The following DUSP4 variants were observed in gnomAD, a reference collection of about 807,000 sequenced individuals.
DUSP4 encodes the protein dual specificity phosphatase 4.
Under a neutral mutation model 27.2 loss-of-function variants are expected in DUSP4, and 12 were observed. The observed-to-expected ratio is 0.44, with a 90% confidence interval of 0.28 to 0.71. The LOEUF is 0.71. Among genes scored for constraint, DUSP4 ranks in the 30% least tolerant of loss-of-function variants. DUSP4 has a pLI of 0.14. For synonymous variants in DUSP4, 257 were observed against 245.2 expected (o/e 1.05, Z -0.45); for missense variants, 448 against 551.3 (o/e 0.81, Z 1.88).
At chr8:29,341,362 G>A (rs1432009264) in intron 1 of DUSP4, among the ~76,000 whole-genome samples, 1 of 152,216 alleles carries the variant, frequency 6.6e-6, no homozygotes, top group Non-Finnish European at 1.5e-5. Context: ...ATTTTCCAAT[G>A]TGCAGACATG....
At chr8:29,345,795 T>C in intron 1 of DUSP4, 2 of 1,234,764 alleles carry the variant, frequency 1.6e-6, no homozygotes, top group Non-Finnish European at 2.0e-6. Flanking sequence ...TTAGTTACTT[T>C]TGTTAGTTGG....
Position 29,349,905 on chromosome 8 carries a change from G to A in DUSP4, c.374C>T (p.Ser125Leu), listed in dbSNP as rs1018053080. ...GCGGCGCAGCGCCTGCACCACCAGC[G>A]ACACGGTGCTGTCCTCGCGGAGGCT... ...AESLREDSTV[S>L]LVVQALRRNA... Residue 125 changes from serine (S) to leucine (L), a missense_variant, in exon 1 of 4, where the codon TCG becomes TTG. By Grantham distance (145) the Ser-to-Leu change is moderately radical. This residue lies in a region of DUSP4 where 345 missense variants were observed against 394.0 expected (regional missense o/e 0.88). Coordinates refer to ENST00000240100, the MANE Select transcript of DUSP4 (RefSeq NM_001394.7). The A allele has an allele frequency of 1.3e-6, 2 of 1,558,422 alleles. No homozygotes were observed. Among genetic ancestry groups the A allele is most frequent in the African/African-American group, 1.4e-5 (1 of 72,740 alleles).
Position 29,350,234 on chromosome 8 carries a change from G to C in DUSP4, c.45C>G (p.Leu15=). 2.5e-6 allele frequency: 4 copies of C among 1,607,974 alleles called. No individual in the cohort carries two copies. The highest frequency in any genetic ancestry group is 3.4e-6 in the Non-Finnish European group (4 of 1,177,556). Reference sequence around the variant, plus strand: ...TCTCGTCCCGGTTCATCAGCCTTTTGAGCACACTGCAGTCCATCTCCCGCA... The same window carrying C: ...TCTCGTCCCGGTTCATCAGCCTTTTCAGCACACTGCAGTCCATCTCCCGCA... The part of the protein sequence containing the change: ...EELREMDCSV[L]KRLMNRDENG... Residue 15 remains leucine (L), a synonymous_variant, in exon 1 of 4, where the codon CTC becomes CTG. Coordinates refer to ENST00000240100, the MANE Select transcript of DUSP4 (RefSeq NM_001394.7).
intron 1 of DUSP4, among the ~76,000 whole-genome samples, chr8:29,341,881 A>T (rs1419907771): frequency 4.6e-5 from 7 of 152,238 alleles, no homozygotes; most frequent in African/African-American, 1.4e-4. Flanking sequence ...ATTCATTAAC[A>T]GTGGTTGATC....
At chr8:29,339,126 T>C (rs922750156) in intron 2 of DUSP4, among the ~76,000 whole-genome samples, 5 of 152,172 alleles carry the variant, frequency 3.3e-5, no homozygotes, top group African/African-American at 1.2e-4. Context: ...GAAGCTGCAG[T>C]GAGCTATGAT....
At position 29,347,988 on chromosome 8, in the gene DUSP4, T is replaced by A. The variant is rs995115220; in HGVS notation, c.433+1858A>T. 9.1e-6 allele frequency: 9 copies of A among 985,394 alleles called. No homozygotes were observed. In the African/African-American group the frequency reaches 1.6e-4, roughly 17 times the overall value. 61.0% of individuals were successfully genotyped at this position (985,394 alleles called of 1,614,324 possible). On this transcript the variant is annotated intron_variant, in intron 1 of 3. Coordinates refer to ENST00000240100, the MANE Select transcript of DUSP4 (RefSeq NM_001394.7). ...TCCCCGGGAGCGGGGCCTAAGTGGC[T>A]GCACCCCCGGAAGCCCAAGGGCCGA...
chr8:29,347,067 T>G (rs750724244), intron 1 of DUSP4, among the ~76,000 whole-genome samples: 4 of 152,062 alleles, frequency 2.6e-5, no homozygotes, highest in Non-Finnish European at 5.9e-5. Flanking sequence ...AATGAATTAC[T>G]CCAGTAGGAA....
chr8:29,348,039 G>A (rs1240863723), intron 1 of DUSP4: 53 of 985,468 alleles, frequency 5.4e-5, no homozygotes, highest in Non-Finnish European at 6.0e-5. Context: ...GCTCTAGGGC[G>A]GTCCCCTCGG....
intron 2 of DUSP4, among the ~76,000 whole-genome samples, 195 bp downstream of exon 2, chr8:29,339,903 C>T (rs1348983494): frequency 6.6e-6 from 1 of 150,876 alleles, no homozygotes; most frequent in African/African-American, 2.4e-5. Context: ...GTCCCAGCTA[C>T]CAGGGAGGAT....
chr8:29,348,608 G>A (rs1489584869), intron 1 of DUSP4: 2 of 985,430 alleles, frequency 2.0e-6, no homozygotes, highest in African/African-American at 1.7e-5. Flanking sequence ...TCCGGCAGGG[G>A]CGAACCCGGC....
chr8:29,342,514 A>AC (rs1193047859), intron 1 of DUSP4, among the ~76,000 whole-genome samples: 1 of 152,110 alleles, frequency 6.6e-6, no homozygotes, highest in Non-Finnish European at 1.5e-5. Flanking sequence ...GGAACCGGGG[A>AC]CAGGGTAATG....
intron 1 of DUSP4, chr8:29,345,628 G>A (rs1432692440): frequency 1.3e-5 from 20 of 1,492,580 alleles, no homozygotes; most frequent in Admixed American, 5.2e-5. Context: ...TTCTTGGCTC[G>A]GGAAAGTGGC....
Position 29,337,498 on chromosome 8 carries a change from GC to G in DUSP4, c.800-88del. The stretch of plus-strand genomic sequence containing the variant: ...ACCGGCCAGCCCCTGGGGTCGGGGG[GC>G]TCTGAAGGAAGGACTAGCCGTGCTA... On this transcript the variant is annotated intron_variant, in intron 3 of 3. Transcript: ENST00000240100. This position sits in a 1 kb window ranked among gnomAD's most constrained non-coding sequence, Gnocchi z 6.4. The G allele has an allele frequency of 6.7e-7, 1 of 1,499,468 alleles. No homozygotes were observed. The allele number at this position is 1,499,468 out of a possible 1,614,324, so 92.9% of individuals were successfully genotyped here.
At chr8:29,345,707 G>T in intron 1 of DUSP4, 1 of 1,395,090 alleles carries the variant, frequency 7.2e-7, no homozygotes, top group Non-Finnish European at 9.2e-7. Context: ...TCTCCTATAA[G>T]CACCCAGGAT....
chr8:29,336,788 C>G lies in DUSP4; in HGVS notation c.*238G>C, dbSNP rs1051065852. The G allele has an allele frequency of 2.0e-6, 1 of 506,562 alleles. No homozygotes were observed. Among genetic ancestry groups the G allele is most frequent in the East Asian group, 3.5e-5 (1 of 28,864 alleles). 31.4% of individuals were successfully genotyped at this position (506,562 alleles called of 1,614,324 possible). A position where few individuals can be genotyped will look rare whatever the true frequency, so the allele number is the denominator to read the frequency against. Reference sequence around the variant, plus strand: ...ACTGACACATAAACCAAACCAAGGTCTTCCCTGGCTGCTGCGGCAGCCGTT... The same window carrying G: ...ACTGACACATAAACCAAACCAAGGTGTTCCCTGGCTGCTGCGGCAGCCGTT... On this transcript the variant is annotated 3_prime_UTR_variant, in exon 4 of 4. Transcript: ENST00000240100.
chr8:29,340,311 C>T, intron 1 of DUSP4, 68 bp from the exon 2 acceptor site: 1 of 1,518,810 alleles, frequency 6.6e-7, no homozygotes, highest in Non-Finnish European at 8.8e-7. Flanking sequence ...AAGAACTCGA[C>T]TCCTACAGAC....
chr8:29,349,400 C>T (rs943975889), intron 1 of DUSP4, among the ~76,000 whole-genome samples: 3 of 152,334 alleles, frequency 2.0e-5, no homozygotes, highest in Non-Finnish European at 4.4e-5. Context: ...CCTCGGCGCC[C>T]ACCCCTCTTC....
intron 1 of DUSP4, among the ~76,000 whole-genome samples, chr8:29,343,042 T>C (rs990569557): frequency 1.8e-4 from 27 of 151,552 alleles, no homozygotes; most frequent in East Asian, 5.8e-4. Flanking sequence ...GTGGCGGGTG[T>C]CTGTAGTCCC....
chr8:29,350,400 G>T lies in DUSP4; in HGVS notation c.-122C>A. ...CGCCTGCAGAAGTGGCCGCAAACTT[G>T]GTCCTCAAGGGCTCCCGCGGGAGAG... On this transcript the variant is annotated 5_prime_UTR_variant, in exon 1 of 4. Coordinates refer to ENST00000240100, the MANE Select transcript of DUSP4 (RefSeq NM_001394.7). 8.6e-7 allele frequency: 1 copy of T among 1,162,462 alleles called. No homozygotes were observed. Among genetic ancestry groups the T allele is most frequent in the Non-Finnish European group, 1.2e-6 (1 of 854,052 alleles). 72.0% of individuals were successfully genotyped at this position (1,162,462 alleles called of 1,614,324 possible). A position where few individuals can be genotyped will look rare whatever the true frequency, so the allele number is the denominator to read the frequency against.
Sources: gnomAD v4.1 joint callset for allele counts (sites outside exome capture counted in the v4.1 genomes callset) on GRCh38, gnomAD v4.1.1 for gene constraint, gnomAD v4.1.1 regional missense constraint, Gnocchi (gnomAD v3.1) non-coding constraint, MANE v1.5 for transcripts, NCBI Gene and HGNC (gene_info 2026-07-23, HGNC 2026-07-21) for gene names.